Variants in HACL1 observed in about 807,000 individuals in gnomAD.
HACL1 encodes 1600020H07Rik.
HACL1 carries 64 observed loss-of-function variants against 74.2 expected under a neutral mutation model. The ratio of observed to expected loss-of-function variants is 0.86; its 90% confidence interval spans 0.70 to 1.06. The LOEUF (loss-of-function observed/expected upper bound fraction) is 1.06, where lower values mean the gene tolerates loss of function less well. HACL1 is among the 50% of genes least tolerant of loss of function. HACL1 has a pLI of 0.00. For synonymous variants in HACL1, 230 were observed against 238.8 expected (o/e 0.96, Z 0.34); for missense variants, 728 against 719.7 (o/e 1.01, Z -0.13).
chr3:15,565,033 C>T (rs2063409322), intron 14 of HACL1, among the ~76,000 whole-genome samples: 1 of 152,072 alleles, frequency 6.6e-6, no homozygotes, highest in South Asian at 2.1e-4. Flanking sequence ...TGCATGGTGG[C>T]ATGTGCCTGT....
chr3:15,591,994 A>AGT (rs1241333105), intron 3 of HACL1, among the ~76,000 whole-genome samples: 3 of 148,820 alleles, frequency 2.0e-5, no homozygotes, highest in Admixed American at 6.7e-5. Flanking sequence ...ATATACCTAT[A>AGT]GTATATACTA....
intron 8 of HACL1, among the ~76,000 whole-genome samples, chr3:15,580,744 T>C (rs2125255685): frequency 6.6e-6 from 1 of 152,298 alleles, no homozygotes; most frequent in Admixed American, 6.5e-5. Context: ...CCCTCATATG[T>C]TGGTCCTCAT....
At chr3:15,593,174 TGTATATATACACACATATATATGTGC>T (rs1017074010) in intron 3 of HACL1, among the ~76,000 whole-genome samples, 8 of 150,210 alleles carry the variant, frequency 5.3e-5, no homozygotes, top group East Asian at 3.9e-4. Context: ...TATATATGTG[TGTATATATACACACATATATATGTGC>T]GTGTGTGTAT....
In HACL1 at chr3:15,564,436, C is replaced by T. The variant is rs142650709; in HGVS notation, c.1517+115G>A. The T allele has an allele frequency of 2.7e-3, 1,593 of 600,112 alleles. 10 individuals are homozygous for T. Among genetic ancestry groups the T allele is most frequent in the Middle Eastern group, 9.2e-3 (33 of 3,578 alleles). 37.2% of individuals were successfully genotyped at this position (600,112 alleles called of 1,614,324 possible). A position where few individuals can be genotyped will look rare whatever the true frequency, so the allele number is the denominator to read the frequency against. On this transcript the variant is annotated intron_variant, in intron 15 of 16. Coordinates refer to ENST00000321169, the MANE Select transcript of HACL1 (RefSeq NM_012260.4). ...CCTTCTCTTTAGAAGGGCTGACAATCGAAACGGACAATACTCATACCATGT... is the reference window on the plus strand; with the variant it reads ...CCTTCTCTTTAGAAGGGCTGACAATTGAAACGGACAATACTCATACCATGT...
chr3:15,582,373 C>T (rs964812910), intron 8 of HACL1, among the ~76,000 whole-genome samples: 4 of 152,152 alleles, frequency 2.6e-5, no homozygotes, highest in Non-Finnish European at 2.9e-5. Context: ...TAAACAGTTA[C>T]TGGCAAAGAT....
At chr3:15,572,358 G>A (rs2063550559) in intron 11 of HACL1, among the ~76,000 whole-genome samples, 1 of 152,136 alleles carries the variant, frequency 6.6e-6, no homozygotes, top group African/African-American at 2.4e-5. Context: ...TAACATGGAA[G>A]GCTTTTGTTT....
chr3:15,566,943 C>T (rs1478446824), intron 14 of HACL1, among the ~76,000 whole-genome samples: 1 of 150,958 alleles, frequency 6.6e-6, no homozygotes, highest in Non-Finnish European at 1.5e-5. Context: ...CTTCAGCCTC[C>T]CAAATAGCTG....
intron 5 of HACL1, among the ~76,000 whole-genome samples, chr3:15,587,216 CT>C (rs1340050581): frequency 1.4e-5 from 2 of 141,806 alleles, no homozygotes; most frequent in Non-Finnish European, 3.1e-5. Context: ...TAAGATCACC[CT>C]CCGATTTTCA....
chr3:15,566,591 C>T (rs992843831), intron 14 of HACL1, among the ~76,000 whole-genome samples: 3 of 152,064 alleles, frequency 2.0e-5, no homozygotes, highest in East Asian at 3.9e-4. Context: ...GGGTGGTTGA[C>T]GCTGCGGTGA....
chr3:15,575,676 G>A (rs148248648), intron 9 of HACL1, among the ~76,000 whole-genome samples: 2,847 of 152,078 alleles, frequency 0.019, 51 homozygotes, highest in South Asian at 0.055. Flanking sequence ...TGAGCAGTTG[G>A]GACTACAGGC....
chr3:15,589,639 T>C (rs1331444889), intron 4 of HACL1, 27 bp from the exon 5 acceptor site: 10 of 1,399,966 alleles, frequency 7.1e-6, no homozygotes, highest in Non-Finnish European at 1.0e-5. Flanking sequence ...TTTAACAAGA[T>C]AATTACAAAT....
Position 15,575,647 on chromosome 3 carries a change from C to A in HACL1, c.804-565G>T, listed in dbSNP as rs370029640. On this transcript the variant is annotated intron_variant, in intron 9 of 16. Coordinates refer to ENST00000321169, the MANE Select transcript of HACL1 (RefSeq NM_012260.4). ...ATCCTCTCCTCTCAGGCTTAAGCAA[C>A]CCTCCTACCTCAGCCTCCTGAGCAG... 3.0e-4 allele frequency among the ~76,000 whole-genome samples: 46 copies of A among 152,190 alleles called. 1 individual carries two copies. The highest frequency in any genetic ancestry group is 1.0e-3 in the Admixed American group (16 of 15,294).
intron 3 of HACL1, among the ~76,000 whole-genome samples, chr3:15,593,165 A>ATGTG (rs1174609911): frequency 4.7e-5 from 7 of 150,036 alleles, no homozygotes; most frequent in African/African-American, 1.5e-4. Context: ...ACACATACGT[A>ATGTG]TATATGTGTG....
intron 15 of HACL1, 45 bp from the exon 16 acceptor site, chr3:15,563,589 T>C (rs777383596): frequency 2.3e-6 from 3 of 1,277,978 alleles, no homozygotes; most frequent in African/African-American, 1.5e-5. Context: ...ATCTTAAACC[T>C]TGTAGAAAAA....
In HACL1 at chr3:15,560,903, A is replaced by T; in HGVS notation, c.1705-6T>A. 6.3e-7 allele frequency: 1 copy of T among 1,594,614 alleles called. No individual in the cohort carries two copies. Among genetic ancestry groups the T allele is most frequent in the Non-Finnish European group, 8.6e-7 (1 of 1,162,870 alleles). The stretch of plus-strand genomic sequence containing the variant: ...CGGGTCAGCCAATGAAAATCCTAGA[A>T]AAAGAAGACAACAAACATTCAGTCA... On this transcript the variant is annotated splice_region_variant and splice_polypyrimidine_tract_variant and intron_variant, in intron 16 of 16. Transcript: ENST00000321169.
intron 8 of HACL1, among the ~76,000 whole-genome samples, chr3:15,581,463 A>G (rs150686853): frequency 6.6e-6 from 1 of 152,276 alleles, no homozygotes; most frequent in African/African-American, 2.4e-5. Context: ...AACTACCTTA[A>G]AATCCCTTCT....
intron 4 of HACL1, among the ~76,000 whole-genome samples, chr3:15,590,556 G>A (rs1281513336): frequency 6.6e-6 from 1 of 152,160 alleles, no homozygotes; most frequent in Non-Finnish European, 1.5e-5. Context: ...GCCAGAGACG[G>A]AGTTAAGGGC....
At chr3:15,600,924 C>T in intron 2 of HACL1, 166 bp downstream of exon 2, 1 of 627,990 alleles carries the variant, frequency 1.6e-6, no homozygotes, top group Non-Finnish European at 2.9e-6. Flanking sequence ...TGTCTTTTCT[C>T]ATCTGTCAAC....
chr3:15,586,006 G>T (rs2063788222), intron 6 of HACL1, among the ~76,000 whole-genome samples: 1 of 152,026 alleles, frequency 6.6e-6, no homozygotes. Context: ...AAAAATAAAT[G>T]AATTTCATAT....
Sources: gnomAD v4.1 joint callset for allele counts (sites outside exome capture counted in the v4.1 genomes callset) on GRCh38, gnomAD v4.1.1 for gene constraint, MANE v1.5 for transcripts, NCBI Gene and HGNC (gene_info 2026-07-23, HGNC 2026-07-21) for gene names.